Variants in GREM2 observed in about 807,000 individuals in gnomAD.
The protein encoded by GREM2 is gremlin 2, DAN family BMP antagonist, also known as gremlin-2.
Under a neutral mutation model 14.2 loss-of-function variants are expected in GREM2, and 11 were observed. The observed-to-expected ratio is 0.78, with a 90% confidence interval of 0.49 to 1.28. GREM2 has a LOEUF of 1.28. Ranked by LOEUF, GREM2 falls within the 50% of genes most tolerant of loss-of-function variation. GREM2 has a pLI of 0.00. For synonymous variants in GREM2, 98 were observed against 97.6 expected (o/e 1.00, Z -0.02); for missense variants, 210 against 218.5 (o/e 0.96, Z 0.24).
chr1:240,539,112 T>G lies in GREM2; in HGVS notation c.-1-45636A>C, dbSNP rs116980679. Among the ~76,000 whole-genome samples the G allele has an allele frequency of 8.9e-4, 136 of 152,310 alleles. 1 individual carries two copies. The highest frequency in any genetic ancestry group is 7.2e-3 in the East Asian group (37 of 5,168). On this transcript the variant is annotated intron_variant, in intron 1 of 1. Coordinates refer to ENST00000318160, the MANE Select transcript of GREM2 (RefSeq NM_022469.4). ...AGGGGAAAGTCAGCATCATTTGCCA[T>G]GTTAAAGCCAAGCCTTGTGCACTGA... is the stretch of plus-strand genomic sequence containing the variant.
At chr1:240,608,456 G>GTGT (rs1680073909) in intron 1 of GREM2, among the ~76,000 whole-genome samples, 2 of 152,118 alleles carry the variant, frequency 1.3e-5, no homozygotes, top group Non-Finnish European at 2.9e-5. Context: ...TCCAGGGTTC[G>GTGT]TGTTATAATT....
At chr1:240,513,967 C>CT (rs1572374549) in intron 1 of GREM2, among the ~76,000 whole-genome samples, 1 of 92,072 alleles carries the variant, frequency 1.1e-5, no homozygotes, top group African/African-American at 8.4e-5. Flanking sequence ...CAGAAATAGT[C>CT]CGGTGCGGTG....
At position 240,582,606 on chromosome 1, in the gene GREM2, T is replaced by C. The variant is rs189187008; in HGVS notation, c.-2+29278A>G. ...AGGTCAGGAGTTCAAGACCAGCCTG[T>C]CCAACATGGTGAAACCCCATCTCTA... On this transcript the variant is annotated intron_variant, in intron 1 of 1. Transcript: ENST00000318160. Among the ~76,000 whole-genome samples the C allele has an allele frequency of 6.7e-4, 102 of 151,802 alleles. 1 individual carries two copies. Among genetic ancestry groups the C allele is most frequent in the African/African-American group, 2.2e-3 (90 of 41,402 alleles).
At chr1:240,604,449 G>C (rs1679989310) in intron 1 of GREM2, among the ~76,000 whole-genome samples, 1 of 152,066 alleles carries the variant, frequency 6.6e-6, no homozygotes, top group African/African-American at 2.4e-5. Flanking sequence ...TAAGTACTAG[G>C]TAAGTGTAAG....
chr1:240,592,095 T>C (rs553664476), intron 1 of GREM2, among the ~76,000 whole-genome samples: 7 of 152,272 alleles, frequency 4.6e-5, no homozygotes, highest in South Asian at 2.1e-4. Flanking sequence ...CATCTTGGCA[T>C]TGGAACCAAA....
rs1010676759 is a variant in GREM2 at position 240,598,045 on chromosome 1, C to T, written c.-2+13839G>A. ...CATCTGAAACAGAAAATCAGTTCAA[C>T]ACCACTGCAGTTAATATCGACTAAA... On this transcript the variant is annotated intron_variant, in intron 1 of 1. Transcript: ENST00000318160. Among the ~76,000 whole-genome samples, 5 of 152,310 alleles carry T rather than the reference C, an allele frequency of 3.3e-5. No homozygotes were observed. In the South Asian group the frequency reaches 1.0e-3, roughly 32 times the overall value.
chr1:240,518,433 TCAA>T (rs1433036712), intron 1 of GREM2, among the ~76,000 whole-genome samples: 5 of 152,194 alleles, frequency 3.3e-5, no homozygotes, highest in African/African-American at 7.2e-5. Flanking sequence ...AAAGGCAAAA[TCAA>T]CAACTTTTCT....
At chr1:240,548,392 C>T (rs1019019619) in intron 1 of GREM2, among the ~76,000 whole-genome samples, 3 of 152,126 alleles carry the variant, frequency 2.0e-5, no homozygotes, top group Non-Finnish European at 2.9e-5. Flanking sequence ...CATGTCTTTT[C>T]CAATTCTTCA....
Position 240,604,151 on chromosome 1 carries a change from T to C in GREM2, c.-2+7733A>G, listed in dbSNP as rs538280328. ...AATGCACTGAGGGAGAACCCACTCA[T>C]TACCGTGGGGAGGGCACCAAGCCAT... On this transcript the variant is annotated intron_variant, in intron 1 of 1. Transcript: ENST00000318160. 1.3e-4 allele frequency among the ~76,000 whole-genome samples: 19 copies of C among 151,912 alleles called. No homozygotes were observed. The South Asian group carries it at 1.5e-3, about 12-fold the overall frequency.
In GREM2 at chr1:240,540,190, C is replaced by T. The variant is rs753256988; in HGVS notation, c.-1-46714G>A. Among the ~76,000 whole-genome samples, 3 of 152,158 alleles carry T rather than the reference C, an allele frequency of 2.0e-5. No individual in the cohort carries two copies. The highest frequency in any genetic ancestry group is 4.4e-5 in the Non-Finnish European group (3 of 68,042). ...CAGAACTATCATTCTGTACACACAC[C>T]AAACCACAGGAGCCTGAGTGAGGGT... is the stretch of plus-strand genomic sequence containing the variant. On this transcript the variant is annotated intron_variant, in intron 1 of 1. Coordinates refer to ENST00000318160, the MANE Select transcript of GREM2 (RefSeq NM_022469.4). The surrounding 1 kb of genome is among the most constrained non-coding windows in gnomAD (Gnocchi z 4.2).
intron 1 of GREM2, among the ~76,000 whole-genome samples, chr1:240,605,521 G>A (rs910881444): frequency 1.6e-4 from 24 of 151,788 alleles, no homozygotes; most frequent in Admixed American, 1.6e-3. Flanking sequence ...AAATCACCAA[G>A]GTAAAAAGTA....
chr1:240,524,979 G>A (rs1203901768), intron 1 of GREM2, among the ~76,000 whole-genome samples: 5 of 152,150 alleles, frequency 3.3e-5, no homozygotes, highest in African/African-American at 7.2e-5. Flanking sequence ...CTGAGACACC[G>A]TGACCTTGGG....
chr1:240,564,353 CA>C (rs1679133937), intron 1 of GREM2, among the ~76,000 whole-genome samples: 1 of 151,574 alleles, frequency 6.6e-6, no homozygotes, highest in African/African-American at 2.4e-5. Context: ...CCAAAAAATA[CA>C]AAAATTAGCC....
chr1:240,492,975 C>T lies in GREM2; in HGVS notation c.501G>A (p.Lys167=). 1 of 1,538,482 alleles carries T rather than the reference C, an allele frequency of 6.5e-7. No homozygotes were observed. The highest frequency in any genetic ancestry group is 1.2e-5 in the South Asian group (1 of 80,238). The part of the protein sequence containing the change: ...CMSVNLSDSD[K]Q ...GCTGCGTCCGGCCCGGCGCTCACTGCTTGTCCGAGTCGCTCAGGTTCACGG... is the reference window on the plus strand; with the variant it reads ...GCTGCGTCCGGCCCGGCGCTCACTGTTTGTCCGAGTCGCTCAGGTTCACGG... The change falls in exon 2 of 2, where the codon AAG becomes AAA. Residue 167 remains lysine (K), a synonymous_variant. Coordinates refer to ENST00000318160, the MANE Select transcript of GREM2 (RefSeq NM_022469.4).
chr1:240,585,645 G>T (rs1481274781), intron 1 of GREM2, among the ~76,000 whole-genome samples: 2 of 146,708 alleles, frequency 1.4e-5, no homozygotes, highest in Non-Finnish European at 3.0e-5. Flanking sequence ...CAGGAGAATC[G>T]CTTGAACCTG....
intron 1 of GREM2, among the ~76,000 whole-genome samples, chr1:240,537,997 C>A (rs560901581): frequency 1.3e-5 from 2 of 152,170 alleles, no homozygotes; most frequent in African/African-American, 4.8e-5. Flanking sequence ...TTAAAAAACC[C>A]GAGTTTTGCT....
chr1:240,532,662 T>TAGATAGAC lies in GREM2; in HGVS notation c.-1-39187_-1-39186insGTCTATCT, dbSNP rs1553274803. 1.6e-3 allele frequency among the ~76,000 whole-genome samples: 227 copies of TAGATAGAC among 138,434 alleles called. 1 individual carries two copies. The highest frequency in any genetic ancestry group is 4.7e-4 in the Non-Finnish European group (32 of 67,888). The allele number at this position is 138,434 out of a possible 152,430, so 90.8% of individuals were successfully genotyped here. A position where few individuals can be genotyped will look rare whatever the true frequency, so the allele number is the denominator to read the frequency against. ...ATATATAGATAGATAGATAGATAGATAGATAGATAGATAGATAGATAGATA... is the reference window on the plus strand; with the variant it reads ...ATATATAGATAGATAGATAGATAGATAGATAGACAGATAGATAGATAGATAGATAGATA... On this transcript the variant is annotated intron_variant, in intron 1 of 1. Coordinates refer to ENST00000318160, the MANE Select transcript of GREM2 (RefSeq NM_022469.4).
At chr1:240,495,947 GT>G (rs200427812) in intron 1 of GREM2, among the ~76,000 whole-genome samples, 4 of 145,756 alleles carry the variant, frequency 2.7e-5, no homozygotes, top group African/African-American at 5.1e-5. Context: ...TTTTGTTTTT[GT>G]TTTTTTTTTG....
chr1:240,601,660 A>T (rs1226839852), intron 1 of GREM2, among the ~76,000 whole-genome samples: 1 of 152,154 alleles, frequency 6.6e-6, no homozygotes, highest in Non-Finnish European at 1.5e-5. Flanking sequence ...TAATCCCAGC[A>T]CTTTGAGAGG....
Sources: allele counts gnomAD v4.1 joint callset (sites outside exome capture counted in the v4.1 genomes callset), GRCh38; gene constraint gnomAD v4.1.1; non-coding constraint Gnocchi (gnomAD v3.1); transcripts MANE v1.5; gene names NCBI Gene and HGNC (gene_info 2026-07-23, HGNC 2026-07-21).